Variants in PPARGC1A observed in about 807,000 individuals in gnomAD.
The protein encoded by PPARGC1A is PPARG coactivator 1 alpha.
In PPARGC1A, 25 loss-of-function variants were observed where a neutral mutation model predicts 88.7. The observed-to-expected ratio is 0.28, with a 90% CI of 0.21 to 0.39. The LOEUF (loss-of-function observed/expected upper bound fraction) is 0.39, where lower values mean the gene tolerates loss of function less well. PPARGC1A is among the 10% of genes least tolerant of loss of function. PPARGC1A has a pLI of 1.00. For missense variants in PPARGC1A, 880 were observed against 968.7 expected (o/e 0.91, Z 1.22); for synonymous variants, 363 against 355.6 (o/e 1.02, Z -0.24).
chr4:24,270,592 A>G, the PPARGC1A span, among the ~76,000 whole-genome samples: 1 of 152,190 alleles, frequency 6.6e-6, no homozygotes, highest in Non-Finnish European at 1.5e-5. Context: ...CTACATAGAA[A>G]AAAATCTCTT....
upstream of PPARGC1A, among the ~76,000 whole-genome samples, chr4:23,901,527 G>C (rs529240773): frequency 4.1e-5 from 6 of 146,878 alleles, no homozygotes; most frequent in African/African-American, 1.5e-4. Flanking sequence ...CTGGGCAACA[G>C]AGTAAGACTC....
chr4:23,906,384 G>A (rs1000155914), upstream of PPARGC1A, among the ~76,000 whole-genome samples: 4 of 151,906 alleles, frequency 2.6e-5, no homozygotes, highest in African/African-American at 7.3e-5. Flanking sequence ...AGGTCTTGGT[G>A]GGAGGATCAC....
chr4:24,266,643 G>C, the PPARGC1A span, among the ~76,000 whole-genome samples: 1 of 152,140 alleles, frequency 6.6e-6, no homozygotes, highest in Non-Finnish European at 1.5e-5. Context: ...CGGCTTAAGG[G>C]CAGGGGAAAT....
the PPARGC1A span, among the ~76,000 whole-genome samples, chr4:24,378,081 A>G: frequency 6.6e-6 from 1 of 152,224 alleles, no homozygotes; most frequent in African/African-American, 2.4e-5. Flanking sequence ...TCACACCTGT[A>G]ATACCAGCAC....
the PPARGC1A span, among the ~76,000 whole-genome samples, chr4:24,285,114 G>C: frequency 6.6e-6 from 1 of 152,168 alleles, no homozygotes; most frequent in Non-Finnish European, 1.5e-5. Context: ...CAGCCCTTTT[G>C]TTCTCATGAG....
rs959564015 is a variant in PPARGC1A, at chr4:23,889,282, T to C, written c.54+622A>G. 7 of 985,314 alleles carry C rather than the reference T, an allele frequency of 7.1e-6. No homozygotes were observed. The Admixed American group carries it at 3.1e-4, about 43-fold the overall frequency. The allele number at this position is 985,314 out of a possible 1,614,324, so 61.0% of individuals were successfully genotyped here. A position where few individuals can be genotyped will look rare whatever the true frequency, so the allele number is the denominator to read the frequency against. On this transcript the variant is annotated intron_variant, in intron 1 of 12. Coordinates refer to ENST00000264867, the MANE Select transcript of PPARGC1A (RefSeq NM_013261.5). ...CCGACGCGAACGGAAAACCTTGCAC[T>C]GCCAGGCGTTTCTTTTTATTCGCTG...
At chr4:23,857,599 A>G (rs146072495) in intron 2 of PPARGC1A, among the ~76,000 whole-genome samples, 17 of 151,982 alleles carry the variant, frequency 1.1e-4, no homozygotes, top group African/African-American at 4.1e-4. Context: ...TGCTGACAGT[A>G]TAACTCATCC....
the PPARGC1A span, among the ~76,000 whole-genome samples, chr4:24,053,472 T>A: frequency 1.4e-5 from 2 of 143,650 alleles, no homozygotes; most frequent in African/African-American, 2.5e-5. Flanking sequence ...CTTTAGGCCT[T>A]AGGAGAATCC....
At chr4:24,247,668 G>A in the PPARGC1A span, among the ~76,000 whole-genome samples, 2 of 152,224 alleles carry the variant, frequency 1.3e-5, no homozygotes, top group African/African-American at 4.8e-5. Context: ...GTAGTTGCCA[G>A]GATTGGCTGG....
chr4:23,967,154 T>A, the PPARGC1A span, among the ~76,000 whole-genome samples: 17 of 152,246 alleles, frequency 1.1e-4, no homozygotes, highest in Admixed American at 8.5e-4. Context: ...CCATATGCAA[T>A]ATCATTACCC....
At chr4:24,387,916 AAG>A in the PPARGC1A span, among the ~76,000 whole-genome samples, 966 of 20,352 alleles carry the variant, frequency 0.047, 33 homozygotes, top group Non-Finnish European at 0.097. Context: ...GAAAGAAAGA[AAG>A]AAAGAAAGAA....
In PPARGC1A at chr4:23,848,842, G is replaced by A. The variant is rs573392822; in HGVS notation, c.235-17091C>T. On this transcript the variant is annotated intron_variant, in intron 2 of 12. Transcript: ENST00000264867. ...CCTGTGTCCTTGAGGAAGGCATCTG[G>A]GCCCTGGAATCCCAGTACTATCAAC... is the stretch of plus-strand genomic sequence containing the variant. 1.5e-4 allele frequency among the ~76,000 whole-genome samples: 23 copies of A among 149,308 alleles called. 1 individual carries two copies. In the South Asian group the frequency reaches 1.7e-3, roughly 11 times the overall value.
chr4:24,466,450 C>T, the PPARGC1A span, among the ~76,000 whole-genome samples: 1 of 152,128 alleles, frequency 6.6e-6, no homozygotes, highest in Admixed American at 6.5e-5. Flanking sequence ...CCCAGCTTTC[C>T]CTGACTAGCG....
the PPARGC1A span, among the ~76,000 whole-genome samples, chr4:24,172,931 T>C: frequency 6.6e-6 from 1 of 152,194 alleles, no homozygotes; most frequent in African/African-American, 2.4e-5. Context: ...TTGGCATTTA[T>C]CCAAGGAAGA....
intron 2 of PPARGC1A, 58 bp downstream of exon 2, chr4:23,884,693 GT>G (rs1560511772): frequency 6.7e-7 from 1 of 1,487,320 alleles, no homozygotes; most frequent in Admixed American, 1.8e-5. Flanking sequence ...CTATTACCAT[GT>G]TAGTCGGGCC....
the PPARGC1A span, among the ~76,000 whole-genome samples, chr4:24,049,811 T>G: frequency 6.6e-6 from 1 of 152,164 alleles, no homozygotes; most frequent in Non-Finnish European, 1.5e-5. Flanking sequence ...TTTGAGACAC[T>G]GCCTTCCAAC....
At chr4:23,916,223 C>T in the PPARGC1A span, among the ~76,000 whole-genome samples, 1 of 152,162 alleles carries the variant, frequency 6.6e-6, no homozygotes, top group Non-Finnish European at 1.5e-5. Flanking sequence ...ATTCGTAAAA[C>T]ATGGATAATA....
the PPARGC1A span, among the ~76,000 whole-genome samples, chr4:24,424,948 A>C: frequency 2.0e-5 from 3 of 152,222 alleles, no homozygotes; most frequent in African/African-American, 7.2e-5. Flanking sequence ...ATAAACAAGC[A>C]ATCTAATATA....
the PPARGC1A span, among the ~76,000 whole-genome samples, chr4:24,392,140 C>G: frequency 2.0e-5 from 3 of 152,084 alleles, no homozygotes; most frequent in African/African-American, 7.2e-5. Context: ...AGCTAAAACC[C>G]AATGAAAAAA....
Sources: gnomAD v4.1 joint callset for allele counts (sites outside exome capture counted in the v4.1 genomes callset) on GRCh38, gnomAD v4.1.1 for gene constraint, MANE v1.5 for transcripts, NCBI Gene and HGNC (gene_info 2026-07-23, HGNC 2026-07-21) for gene names.